Variants in DOP1B observed in about 807,000 individuals in gnomAD.
DOP1B encodes protein DOP1B.
Under a neutral mutation model 233.5 loss-of-function variants are expected in DOP1B, and 174 were observed. The ratio of observed to expected loss-of-function variants is 0.75; its 90% CI spans 0.66 to 0.85. The LOEUF is 0.85. Ranked by LOEUF, DOP1B falls within the 40% of genes least tolerant of loss-of-function variation. The pLI, the probability that DOP1B is intolerant of heterozygous loss-of-function variation, is 0.00. For missense variants in DOP1B, 2,652 were observed against 2,846.6 expected, an observed-to-expected ratio of 0.93 and a Z score of 1.56; for synonymous variants, 1,190 against 1,185.6, an observed-to-expected ratio of 1.00 and a Z score of -0.08.
In DOP1B at chr21:36,248,464, G is replaced by T; in HGVS notation, c.4894G>T (p.Ala1632Ser). 1 of 1,614,104 alleles carries T rather than the reference G, an allele frequency of 6.2e-7. No individual in the cohort carries two copies. The highest frequency in any genetic ancestry group is 1.3e-5 in the African/African-American group (1 of 75,036). The change falls in exon 21 of 37, where the codon GCC (alanine) becomes TCC (serine). Residue 1632 changes from alanine to serine, a missense_variant. Physicochemically the swap from Ala to Ser is moderately conservative, Grantham distance 99 (BLOSUM62 1). Coordinates refer to ENST00000691173, the MANE Select transcript of DOP1B (RefSeq NM_001320714.2). ...EELPRTVNTM[A>S]LLWNVLRKEE... ...GCTGCCTCGAACTGTTAACACCATG[G>T]CCCTTCTCTGGAATGTTCTCAGAAA...
intron 2 of DOP1B, among the ~76,000 whole-genome samples, chr21:36,177,935 TTTATAG>T (rs2066050973): frequency 6.6e-6 from 1 of 152,104 alleles, no homozygotes; most frequent in African/African-American, 2.4e-5. Context: ...CAGAATTGAG[TTTATAG>T]ATAAGGGAAA....
At chr21:36,165,797 C>G (rs890414339) in intron 2 of DOP1B, among the ~76,000 whole-genome samples, 3 of 149,960 alleles carry the variant, frequency 2.0e-5, no homozygotes, top group African/African-American at 7.3e-5. Flanking sequence ...CTGACTGCAA[C>G]CTCCACCTCC....
rs148132825 is a variant in DOP1B at position 36,230,607 on chromosome 21, G to A, written c.1823G>A (p.Arg608Gln). The A allele has an allele frequency of 3.4e-4, 549 of 1,614,180 alleles. 3 individuals are homozygous for A. In the East Asian group the frequency reaches 0.011, roughly 34 times the overall value. The change falls in exon 14 of 37, where the codon CGA becomes CAA. Residue 608 changes from arginine to glutamine, a missense_variant. Around this residue, in one of 3 missense-constraint regions of DOP1B, gnomAD observed 2,617 missense variants for 2,794.3 expected, o/e 0.94. Transcript: ENST00000691173. ...CTCTCTGAGCACTTGAGGGTTCCTC[G>A]AGTTTCTCTGGAAAGGGACGACGTT... ...PELSEHLRVP[R>Q]VSLERDDVWK...
intron 2 of DOP1B, among the ~76,000 whole-genome samples, chr21:36,186,694 C>T (rs2066169540): frequency 6.6e-6 from 1 of 152,052 alleles, no homozygotes; most frequent in Non-Finnish European, 1.5e-5. Context: ...CTTTGCAGGG[C>T]GCTGGCGGAC....
intron 23 of DOP1B, 118 bp from the exon 24 acceptor site, chr21:36,260,559 A>C (rs1320174452): frequency 7.4e-7 from 1 of 1,356,224 alleles, no homozygotes; most frequent in Non-Finnish European, 1.0e-6. Context: ...TATCTGAAAG[A>C]TTCTTTAGTC....
intron 26 of DOP1B, among the ~76,000 whole-genome samples, chr21:36,264,450 G>A (rs2067210397): frequency 6.6e-6 from 1 of 151,768 alleles, no homozygotes; most frequent in South Asian, 2.1e-4. Context: ...TCCATACATG[G>A]ATATTTCTTT....
intron 2 of DOP1B, among the ~76,000 whole-genome samples, chr21:36,184,556 G>A (rs936802258): frequency 2.0e-5 from 3 of 152,168 alleles, no homozygotes; most frequent in Non-Finnish European, 4.4e-5. Context: ...TCCTGCTTCC[G>A]TGCAGGTAGC....
At chr21:36,164,570 T>C (rs73212425) in intron 1 of DOP1B, 138 bp from the exon 2 acceptor site, 35 of 545,670 alleles carry the variant, frequency 6.4e-5, no homozygotes, top group Admixed American at 1.3e-4. Flanking sequence ...GAAGCCTTGC[T>C]AAATATTTGA....
intron 27 of DOP1B, among the ~76,000 whole-genome samples, chr21:36,271,194 A>G (rs2067283722): frequency 6.6e-6 from 1 of 150,732 alleles, no homozygotes; most frequent in Admixed American, 6.6e-5. Flanking sequence ...TCATTCACCC[A>G]GACTCTTTCT....
Position 36,246,573 on chromosome 21 carries a change from A to G in DOP1B, c.4593A>G (p.Gly1531=), listed in dbSNP as rs752886819. Residue 1531 remains glycine (G), a synonymous_variant, in exon 19 of 37, where the codon GGA becomes GGG. Transcript: ENST00000691173. The surrounding 1 kb of genome is among the most constrained non-coding windows in gnomAD (Gnocchi z 5.1). ...TCACGCATTCCTTGCCCTACTTCGGAAAGTCCCTGGGCTGGACGGTGACAC... is the reference window on the plus strand; with the variant it reads ...TCACGCATTCCTTGCCCTACTTCGGGAAGTCCCTGGGCTGGACGGTGACAC... The part of the protein sequence containing the change: ...SLVTHSLPYF[G]KSLGWTVTPF... 2 of 1,614,130 alleles carry G rather than the reference A, an allele frequency of 1.2e-6. No homozygotes were observed. Among genetic ancestry groups the G allele is most frequent in the Admixed American group, 1.7e-5 (1 of 60,026 alleles).
At chr21:36,269,633 G>A (rs570537394) in intron 26 of DOP1B, among the ~76,000 whole-genome samples, 1 of 151,982 alleles carries the variant, frequency 6.6e-6, no homozygotes, top group African/African-American at 2.4e-5. Context: ...CGATTCTCTT[G>A]CCTAAGCCTC....
chr21:36,227,595 T>TA (rs1216860396), intron 12 of DOP1B, 91 bp from the exon 13 acceptor site: 17 of 1,158,996 alleles, frequency 1.5e-5, no homozygotes, highest in East Asian at 5.1e-5. Context: ...ATTTATGCCC[T>TA]AAAAAATTGA....
chr21:36,242,151 CATT>C lies in DOP1B; in HGVS notation c.3067+2233_3067+2235del, dbSNP rs78154894. ...AGCTCTATCTCCACAGTTCCTTGGG[CATT>C]ATTATTATTATTATTATTATTATTA... On this transcript the variant is annotated intron_variant, in intron 18 of 36. Coordinates refer to ENST00000691173, the MANE Select transcript of DOP1B (RefSeq NM_001320714.2). Among the ~76,000 whole-genome samples the C allele has an allele frequency of 5.5e-3, 790 of 143,884 alleles. 14 individuals carry two copies. Among genetic ancestry groups the C allele is most frequent in the African/African-American group, 6.9e-3 (270 of 38,958 alleles). The allele number at this position is 143,884 out of a possible 152,430, so 94.4% of individuals were successfully genotyped here.
chr21:36,184,065 T>C (rs909479996), intron 2 of DOP1B, among the ~76,000 whole-genome samples: 1 of 151,816 alleles, frequency 6.6e-6, no homozygotes, highest in Admixed American at 6.6e-5. Context: ...TTATCTTTTT[T>C]TGAGACAGAG....
intron 10 of DOP1B, among the ~76,000 whole-genome samples, chr21:36,222,179 G>A (rs1170942235): frequency 6.6e-6 from 1 of 151,958 alleles, no homozygotes; most frequent in African/African-American, 2.4e-5. Flanking sequence ...GCCTTTTTCA[G>A]TATTTTTTAA....
intron 3 of DOP1B, 35 bp from the exon 4 acceptor site, chr21:36,200,296 A>G: frequency 6.5e-7 from 1 of 1,528,384 alleles, no homozygotes; most frequent in Non-Finnish European, 8.8e-7. Context: ...TGGGTATCTT[A>G]TTTCTGCCCC....
At position 36,223,327 on chromosome 21, in the gene DOP1B, A is replaced by G. The variant is rs1338961395; in HGVS notation, c.1347A>G (p.Thr449=). Residue 449 remains threonine (T), a synonymous_variant, in exon 11 of 37, where the codon ACA becomes ACG. Coordinates refer to ENST00000691173, the MANE Select transcript of DOP1B (RefSeq NM_001320714.2). The part of the protein sequence containing the change: ...LSTDFLWDYM[T]RCFEECFRPV... ...CAGACTTTCTCTGGGATTATATGACAAGGTGTTTTGAGGAATGCTTTAGGT... is the reference window on the plus strand; with the variant it reads ...CAGACTTTCTCTGGGATTATATGACGAGGTGTTTTGAGGAATGCTTTAGGT... 9 of 1,610,554 alleles carry G rather than the reference A, an allele frequency of 5.6e-6. No homozygotes were observed. The highest frequency in any genetic ancestry group is 7.6e-6 in the Non-Finnish European group (9 of 1,179,340).
intron 31 of DOP1B, 85 bp downstream of exon 31, chr21:36,280,431 C>G: frequency 1.1e-6 from 1 of 936,754 alleles, no homozygotes; most frequent in Non-Finnish European, 1.7e-6. Flanking sequence ...TTTCCGAACC[C>G]TACTCACACT....
At chr21:36,266,162 A>T (rs1255829907) in intron 26 of DOP1B, among the ~76,000 whole-genome samples, 2 of 151,964 alleles carry the variant, frequency 1.3e-5, no homozygotes, top group Non-Finnish European at 2.9e-5. Context: ...AACACATTGA[A>T]CAGTTTATTT....
Sources: allele counts gnomAD v4.1 joint callset (sites outside exome capture counted in the v4.1 genomes callset), GRCh38; gene constraint gnomAD v4.1.1; regional missense constraint gnomAD v4.1.1; non-coding constraint Gnocchi (gnomAD v3.1); transcripts MANE v1.5; gene names NCBI Gene and HGNC (gene_info 2026-07-23, HGNC 2026-07-21).